Variants in TPRG1 observed in about 807,000 individuals in gnomAD.
The protein encoded by TPRG1 is tumor protein p63-regulated gene 1 protein.
A neutral mutation model predicts 29.3 loss-of-function variants in TPRG1; 29 were observed. The ratio of observed to expected loss-of-function variants is 0.99; its 90% CI spans 0.74 to 1.35. TPRG1 has a LOEUF of 1.35. TPRG1 is among the 40% of genes most tolerant of loss of function. The pLI, the probability that TPRG1 is intolerant of heterozygous loss-of-function variation, is 0.00. For missense variants in TPRG1, 327 were observed against 335.0 expected (o/e 0.98, Z 0.19); for synonymous variants, 130 against 116.8 (o/e 1.11, Z -0.73).
At chr3:189,263,382 G>A (rs547014618) in intron 4 of TPRG1, among the ~76,000 whole-genome samples, 57 of 152,228 alleles carry the variant, frequency 3.7e-4, no homozygotes, top group Non-Finnish European at 7.1e-4. Flanking sequence ...CCGAGGAACT[G>A]TAAATAGGCC....
intron 3 of TPRG1, among the ~76,000 whole-genome samples, chr3:189,022,232 C>T (rs1331585071): frequency 2.0e-5 from 3 of 152,016 alleles, no homozygotes; most frequent in African/African-American, 7.3e-5. Flanking sequence ...TCTTTCAGCT[C>T]GTCAAAGTCA....
chr3:189,086,621 G>A (rs185734051), intron 4 of TPRG1, among the ~76,000 whole-genome samples: 261 of 150,866 alleles, frequency 1.7e-3, no homozygotes, highest in African/African-American at 5.2e-3. Flanking sequence ...TCCGCCTCCC[G>A]GATTCAAGTG....
chr3:189,256,144 G>A (rs943697937), intron 4 of TPRG1, among the ~76,000 whole-genome samples: 1 of 152,152 alleles, frequency 6.6e-6, no homozygotes, highest in Non-Finnish European at 1.5e-5. Flanking sequence ...TGTCCTGTGG[G>A]CATTTAGTGC....
chr3:189,044,907 C>T (rs1447235938), intron 4 of TPRG1, among the ~76,000 whole-genome samples: 1 of 152,154 alleles, frequency 6.6e-6, no homozygotes, highest in East Asian at 1.9e-4. Flanking sequence ...AGGGCCATAA[C>T]ATTAGATTTT....
upstream of TPRG1, among the ~76,000 whole-genome samples, chr3:189,097,031 T>TTAATG (rs1376100599): frequency 6.6e-6 from 1 of 152,214 alleles, no homozygotes; most frequent in East Asian, 1.9e-4. Flanking sequence ...CTAGTGCATC[T>TTAATG]TGCATTTTAA....
At chr3:189,224,435 G>C (rs939063460) in intron 3 of TPRG1, among the ~76,000 whole-genome samples, 1 of 152,062 alleles carries the variant, frequency 6.6e-6, no homozygotes, top group Non-Finnish European at 1.5e-5. Context: ...AACCAAGATC[G>C]TGCCACTGCA....
chr3:189,123,999 G>C (rs1578433354), intron 1 of TPRG1, among the ~76,000 whole-genome samples: 1 of 152,176 alleles, frequency 6.6e-6, no homozygotes, highest in Non-Finnish European at 1.5e-5. Context: ...AAATGCATTA[G>C]AGTAATGCAG....
chr3:189,023,609 A>G (rs576309845), intron 3 of TPRG1: 2 of 152,340 alleles, frequency 1.3e-5, no homozygotes, highest in South Asian at 2.1e-4. Context: ...GCATTTTTGC[A>G]CTGATTCTTT....
chr3:189,012,524 G>A (rs574222389), intron 3 of TPRG1, among the ~76,000 whole-genome samples: 1 of 151,958 alleles, frequency 6.6e-6, no homozygotes, highest in South Asian at 2.1e-4. Context: ...ATTTGGTTTT[G>A]CCAGTATTTT....
intron 4 of TPRG1, among the ~76,000 whole-genome samples, chr3:189,055,084 T>C (rs555897011): frequency 6.6e-6 from 1 of 152,360 alleles, no homozygotes; most frequent in African/African-American, 2.4e-5. Context: ...TAGTATTTAG[T>C]TGTAGAGTTT....
intron 5 of TPRG1, among the ~76,000 whole-genome samples, chr3:189,314,742 A>C (rs1448783433): frequency 1.3e-5 from 2 of 152,344 alleles, no homozygotes; most frequent in East Asian, 3.9e-4. Context: ...ATATCTATTG[A>C]TTACAATTTG....
At chr3:189,066,980 T>C (rs759535868) in intron 4 of TPRG1, among the ~76,000 whole-genome samples, 1 of 152,116 alleles carries the variant, frequency 6.6e-6, no homozygotes, top group Non-Finnish European at 1.5e-5. Flanking sequence ...AGTTGCAGAA[T>C]ATAAAAATCC....
chr3:189,164,316 T>C (rs2884940), intron 5 of TPRG1, among the ~76,000 whole-genome samples: 83,016 of 151,882 alleles, frequency 0.55, 25,518 homozygotes, highest in African/African-American at 0.84. Context: ...GTGCCCACCA[T>C]CATGCCTGGC....
intron 4 of TPRG1, among the ~76,000 whole-genome samples, chr3:189,269,229 T>C (rs1439802760): frequency 2.0e-5 from 3 of 152,152 alleles, no homozygotes; most frequent in Non-Finnish European, 4.4e-5. Context: ...TTTTGGGTAC[T>C]CCAGTAAAAA....
At chr3:189,018,348 G>GT (rs1451190032) in intron 3 of TPRG1, among the ~76,000 whole-genome samples, 1 of 149,336 alleles carries the variant, frequency 6.7e-6, no homozygotes, top group South Asian at 2.2e-4. Flanking sequence ...TTCTTCTGGG[G>GT]TTTTTATGGT....
intron 4 of TPRG1, among the ~76,000 whole-genome samples, chr3:189,032,452 T>C (rs1713980266): frequency 6.6e-6 from 1 of 152,146 alleles, no homozygotes; most frequent in South Asian, 2.1e-4. Context: ...ACAGGAGCAA[T>C]AGAAAAAATA....
At chr3:189,038,070 A>G (rs907447098) in intron 4 of TPRG1, among the ~76,000 whole-genome samples, 2 of 151,738 alleles carry the variant, frequency 1.3e-5, no homozygotes, top group African/African-American at 4.8e-5. Context: ...ATATATTGTG[A>G]AAAACAAAAG....
intron 3 of TPRG1, among the ~76,000 whole-genome samples, chr3:189,232,716 T>G (rs958161717): frequency 6.6e-6 from 1 of 152,198 alleles, no homozygotes; most frequent in Admixed American, 6.5e-5. Flanking sequence ...GGAAGGTTGG[T>G]GACCATTGGG....
At chr3:189,155,359 G>T (rs1375461074) in intron 5 of TPRG1, among the ~76,000 whole-genome samples, 1 of 152,120 alleles carries the variant, frequency 6.6e-6, no homozygotes. Context: ...TAATATTTTT[G>T]CTATGTTGTA....
Sources: allele counts gnomAD v4.1 joint callset (sites outside exome capture counted in the v4.1 genomes callset), GRCh38; gene constraint gnomAD v4.1.1; transcripts MANE v1.5; gene names NCBI Gene and HGNC (gene_info 2026-07-23, HGNC 2026-07-21).